The following ERC2 variants were observed in gnomAD, a reference collection of about 807,000 sequenced individuals.
ERC2 encodes ELKS/RAB6-interacting/CAST family member 2.
In ERC2, 42 loss-of-function variants were observed where a neutral mutation model predicts 114.8. The ratio of observed to expected loss-of-function variants is 0.37; its 90% CI spans 0.29 to 0.47. The LOEUF (loss-of-function observed/expected upper bound fraction) is 0.47. ERC2 is among the 20% of genes least tolerant of loss of function. The pLI is 0.99. For missense variants in ERC2, 939 were observed against 1,150.7 expected (o/e 0.82, Z 2.66); for synonymous variants, 454 against 425.5 (o/e 1.07, Z -0.82).
chr3:55,523,661 C>T (rs772305975), intron 17 of ERC2, among the ~76,000 whole-genome samples: 5 of 152,300 alleles, frequency 3.3e-5, no homozygotes, highest in Non-Finnish European at 2.9e-5. Context: ...TCCTAGGCTG[C>T]GTTCATGAGG....
intron 15 of ERC2, among the ~76,000 whole-genome samples, chr3:55,702,286 A>C (rs1219307925): frequency 6.6e-6 from 1 of 152,200 alleles, no homozygotes; most frequent in African/African-American, 2.4e-5. Context: ...ATCTGGGGGA[A>C]ATGTACACAG....
intron 2 of ERC2, among the ~76,000 whole-genome samples, chr3:56,343,916 A>C (rs938227489): frequency 1.3e-5 from 2 of 152,188 alleles, no homozygotes; most frequent in Non-Finnish European, 2.9e-5. Flanking sequence ...CGCTAGACTA[A>C]AGAATTCAAT....
chr3:55,837,197 T>C (rs1207050056), intron 14 of ERC2, among the ~76,000 whole-genome samples: 1 of 152,160 alleles, frequency 6.6e-6, no homozygotes, highest in East Asian at 1.9e-4. Context: ...GTCAGTGTGG[T>C]GTTCCTCAGG....
chr3:56,233,634 AAC>A (rs1260871002), intron 3 of ERC2, among the ~76,000 whole-genome samples: 16 of 152,080 alleles, frequency 1.1e-4, no homozygotes, highest in African/African-American at 3.4e-4. Context: ...AAAAAAAAAA[AAC>A]ATTTTTGCTC....
At chr3:56,196,625 T>C (rs944295135) in intron 3 of ERC2, among the ~76,000 whole-genome samples, 1 of 152,140 alleles carries the variant, frequency 6.6e-6, no homozygotes, top group Non-Finnish European at 1.5e-5. Context: ...AAATAGATTT[T>C]AGCTTCTAAC....
At chr3:55,582,473 G>A (rs1438433245) in intron 17 of ERC2, among the ~76,000 whole-genome samples, 2 of 152,220 alleles carry the variant, frequency 1.3e-5, no homozygotes. Context: ...TTGTTCTCAT[G>A]AGCAGTTATA....
chr3:55,850,230 T>C (rs1025883609), intron 14 of ERC2, among the ~76,000 whole-genome samples: 1 of 152,220 alleles, frequency 6.6e-6, no homozygotes, highest in African/African-American at 2.4e-5. Context: ...AAATATAGGA[T>C]GTTCTCATCT....
chr3:56,124,308 G>A (rs1194394240), intron 6 of ERC2, among the ~76,000 whole-genome samples: 1 of 152,150 alleles, frequency 6.6e-6, no homozygotes, highest in Non-Finnish European at 1.5e-5. Context: ...CAGTTTGCCA[G>A]TAAAAATAAG....
intron 7 of ERC2, among the ~76,000 whole-genome samples, chr3:56,078,695 A>G (rs1364896445): frequency 6.6e-6 from 1 of 152,150 alleles, no homozygotes; most frequent in Admixed American, 6.6e-5. Flanking sequence ...CCTACCCAAG[A>G]CTTTAACTCT....
At chr3:55,825,401 T>C (rs925299308) in intron 14 of ERC2, among the ~76,000 whole-genome samples, 1 of 152,242 alleles carries the variant, frequency 6.6e-6, no homozygotes, top group African/African-American at 2.4e-5. Flanking sequence ...CTTTATCTAA[T>C]GATTATGATC....
chr3:55,565,090 C>G (rs987944640), intron 17 of ERC2, among the ~76,000 whole-genome samples: 5 of 152,174 alleles, frequency 3.3e-5, no homozygotes, highest in Non-Finnish European at 7.4e-5. Context: ...GTTAAAGGAA[C>G]CTGGGACCCT....
chr3:55,596,758 A>T (rs908006808), intron 17 of ERC2, among the ~76,000 whole-genome samples: 1 of 152,200 alleles, frequency 6.6e-6, no homozygotes, highest in African/African-American at 2.4e-5. Context: ...TTATTAATGA[A>T]AGATAAGAAC....
At chr3:56,141,841 T>C (rs2080874053) in intron 5 of ERC2, among the ~76,000 whole-genome samples, 1 of 152,222 alleles carries the variant, frequency 6.6e-6, no homozygotes, top group African/African-American at 2.4e-5. Flanking sequence ...TTCAGCTTGC[T>C]AATATTTTGT....
chr3:56,302,643 A>G (rs1296487173), intron 2 of ERC2, among the ~76,000 whole-genome samples: 1 of 152,140 alleles, frequency 6.6e-6, no homozygotes, highest in Non-Finnish European at 1.5e-5. Context: ...CCCTTTCCCA[A>G]CTATGAAAAC....
intron 14 of ERC2, among the ~76,000 whole-genome samples, chr3:55,746,134 G>A (rs1466597606): frequency 6.6e-6 from 1 of 152,122 alleles, no homozygotes; most frequent in East Asian, 1.9e-4. Flanking sequence ...AAACAAAACA[G>A]ATCGTCATGC....
At chr3:56,425,616 A>G (rs2107279228) in intron 2 of ERC2, among the ~76,000 whole-genome samples, 1 of 125,944 alleles carries the variant, frequency 7.9e-6, no homozygotes, top group Non-Finnish European at 1.6e-5. Flanking sequence ...TTGTGTCACT[A>G]CTTTGGAGTC....
rs2059228504 is a variant in ERC2, at chr3:56,368,192, A to T, written c.657+66159T>A. 2.7e-5 allele frequency among the ~76,000 whole-genome samples: 4 copies of T among 150,406 alleles called. No individual in the cohort carries two copies. The South Asian group carries it at 8.3e-4, about 31-fold the overall frequency. ...AAATTATTCTTTTTTTTTTAAAAAA[A>T]AAAAAAAAGCAAATGTAGACCAGCT... On this transcript the variant is annotated intron_variant, in intron 2 of 17. Transcript: ENST00000288221.
intron 15 of ERC2, among the ~76,000 whole-genome samples, chr3:55,709,922 G>A (rs1356106910): frequency 6.6e-6 from 1 of 152,106 alleles, no homozygotes; most frequent in African/African-American, 2.4e-5. Flanking sequence ...CTCCCCAGCT[G>A]GTCTCACGCT....
intron 3 of ERC2, among the ~76,000 whole-genome samples, chr3:56,188,785 T>G (rs998652074): frequency 1.3e-5 from 2 of 152,212 alleles, no homozygotes; most frequent in African/African-American, 4.8e-5. Flanking sequence ...GGCTGAAGCC[T>G]GAAAGATTTC....
Sources: gnomAD v4.1 joint callset for allele counts (sites outside exome capture counted in the v4.1 genomes callset) on GRCh38, gnomAD v4.1.1 for gene constraint, MANE v1.5 for transcripts, NCBI Gene and HGNC (gene_info 2026-07-23, HGNC 2026-07-21) for gene names.